MAN1A2: variants seen among roughly 807,000 people sequenced by gnomAD.
MAN1A2 encodes the protein mannosidase alpha class 1A member 2.
MAN1A2 carries 26 observed loss-of-function variants against 75.7 expected under a neutral mutation model. The observed-to-expected ratio is 0.34, with a 90% CI of 0.25 to 0.48. The LOEUF (loss-of-function observed/expected upper bound fraction) is 0.48. Ranked by LOEUF, MAN1A2 falls within the 20% of genes least tolerant of loss-of-function variation. The pLI is 0.99. For missense variants in MAN1A2, 562 were observed against 775.5 expected (o/e 0.72, Z 3.27); for synonymous variants, 247 against 264.6 (o/e 0.93, Z 0.65).
chr1:117,504,224 T>C (rs916870548), intron 12 of MAN1A2, among the ~76,000 whole-genome samples: 2 of 151,286 alleles, frequency 1.3e-5, no homozygotes, highest in South Asian at 2.1e-4. Flanking sequence ...TACATCTAGC[T>C]GAATGAACAT....
At chr1:117,504,629 T>C (rs1015120026) in intron 12 of MAN1A2, among the ~76,000 whole-genome samples, 5 of 151,448 alleles carry the variant, frequency 3.3e-5, no homozygotes, top group African/African-American at 7.3e-5. Flanking sequence ...TCTCCAATTG[T>C]TCCAATAATG....
chr1:117,526,680 G>A lies in MAN1A2; in HGVS notation c.*3723G>A, dbSNP rs1465511485. The A allele has an allele frequency of 1.3e-5, 2 of 151,120 alleles. No individual in the cohort carries two copies. The highest frequency in any genetic ancestry group is 3.0e-5 in the Non-Finnish European group (2 of 67,544). The allele number at this position is 151,120 out of a possible 1,614,324, so 9.4% of individuals were successfully genotyped here. A position where few individuals can be genotyped will look rare whatever the true frequency, so the allele number is the denominator to read the frequency against. On this transcript the variant is annotated 3_prime_UTR_variant, in exon 13 of 13. Transcript: ENST00000356554. ...GGTAAAACTTGCAGTTGTAAATTGT[G>A]TCTGCTCTGGTATGGGCCCTATTAA...
chr1:117,378,292 G>A (rs1653221519), intron 1 of MAN1A2, among the ~76,000 whole-genome samples: 1 of 152,066 alleles, frequency 6.6e-6, no homozygotes, highest in Admixed American at 6.5e-5. Flanking sequence ...CATTGTCAGT[G>A]CATGGTTTTA....
intron 6 of MAN1A2, among the ~76,000 whole-genome samples, chr1:117,446,875 A>T (rs1265163339): frequency 6.6e-6 from 1 of 152,116 alleles, no homozygotes; most frequent in African/African-American, 2.4e-5. Flanking sequence ...GTGTCAAAAT[A>T]TCCCAAGTAT....
chr1:117,519,699 C>T (rs1553242813), intron 12 of MAN1A2, among the ~76,000 whole-genome samples: 2 of 151,334 alleles, frequency 1.3e-5, no homozygotes, highest in Admixed American at 6.6e-5. Flanking sequence ...CAATTACCAA[C>T]AAAAAAAAGC....
At chr1:117,408,999 T>G (rs1271226528) in intron 3 of MAN1A2, among the ~76,000 whole-genome samples, 1 of 152,142 alleles carries the variant, frequency 6.6e-6, no homozygotes, top group East Asian at 1.9e-4. Flanking sequence ...CTTTCATTTC[T>G]AATATTATTG....
intron 4 of MAN1A2, among the ~76,000 whole-genome samples, chr1:117,417,355 CAT>C (rs1372033890): frequency 6.6e-6 from 1 of 151,308 alleles, no homozygotes; most frequent in Non-Finnish European, 1.5e-5. Context: ...ACTATGATAA[CAT>C]ATTTGGAGTT....
At chr1:117,428,640 C>CT (rs1648460315) in intron 5 of MAN1A2, among the ~76,000 whole-genome samples, 3 of 151,750 alleles carry the variant, frequency 2.0e-5, no homozygotes, top group Non-Finnish European at 2.9e-5. Context: ...AAAAGACACA[C>CT]TTAATAGAGA....
chr1:117,386,264 A>T (rs1022708995), intron 1 of MAN1A2, among the ~76,000 whole-genome samples: 1 of 152,226 alleles, frequency 6.6e-6, no homozygotes, highest in African/African-American at 2.4e-5. Flanking sequence ...AGAAATGTAG[A>T]TATAAATAGA....
chr1:117,369,939 C>CATTACATTAT (rs1414068657), intron 1 of MAN1A2, among the ~76,000 whole-genome samples: 3 of 152,092 alleles, frequency 2.0e-5, no homozygotes, highest in Non-Finnish European at 1.5e-5. Flanking sequence ...TTACTTAGCT[C>CATTACATTAT]TATTATTAAT....
At chr1:117,383,144 T>C (rs960933076) in intron 1 of MAN1A2, among the ~76,000 whole-genome samples, 5 of 152,212 alleles carry the variant, frequency 3.3e-5, no homozygotes, top group African/African-American at 1.2e-4. Flanking sequence ...TCTTTCACCA[T>C]TGAGTGTGAT....
chr1:117,472,272 C>T (rs2211130), intron 8 of MAN1A2, among the ~76,000 whole-genome samples: 120,992 of 151,924 alleles, frequency 0.8, 48,798 homozygotes, highest in African/African-American at 0.92. Context: ...ATAAACTATT[C>T]AAATATAGTA....
intron 4 of MAN1A2, among the ~76,000 whole-genome samples, chr1:117,417,133 C>G (rs965852821): frequency 2.0e-5 from 3 of 152,006 alleles, no homozygotes; most frequent in African/African-American, 7.3e-5. Flanking sequence ...GTTCCAACTC[C>G]CATATACCAA....
At chr1:117,382,646 G>C (rs1010648439) in intron 1 of MAN1A2, among the ~76,000 whole-genome samples, 4 of 152,162 alleles carry the variant, frequency 2.6e-5, no homozygotes, top group African/African-American at 9.7e-5. Flanking sequence ...TTTGGCTTAG[G>C]ATTGACTTGG....
intron 6 of MAN1A2, among the ~76,000 whole-genome samples, chr1:117,443,520 T>C (rs1223359951): frequency 6.6e-6 from 1 of 152,126 alleles, no homozygotes; most frequent in Non-Finnish European, 1.5e-5. Context: ...AGATAATAAT[T>C]AAAACTTAAT....
chr1:117,424,278 A>T (rs1021674056), intron 5 of MAN1A2, among the ~76,000 whole-genome samples: 1 of 152,150 alleles, frequency 6.6e-6, no homozygotes, highest in African/African-American at 2.4e-5. Context: ...TGCCTAGGAC[A>T]TCTACTACAA....
At chr1:117,400,753 A>AT (rs1335773797) in intron 1 of MAN1A2, among the ~76,000 whole-genome samples, 7 of 152,090 alleles carry the variant, frequency 4.6e-5, no homozygotes, top group African/African-American at 1.7e-4. Flanking sequence ...TTAACTGTTT[A>AT]TTTTTGGAGG....
At chr1:117,371,001 C>CTATA (rs1410483715) in intron 1 of MAN1A2, among the ~76,000 whole-genome samples, 2 of 152,074 alleles carry the variant, frequency 1.3e-5, no homozygotes, top group South Asian at 4.1e-4. Context: ...TTTTAAAACT[C>CTATA]TATATTGTTT....
rs932567243 is a variant in MAN1A2 at position 117,526,770 on chromosome 1, C to T, written c.*3813C>T. On this transcript the variant is annotated 3_prime_UTR_variant, in exon 13 of 13. Coordinates refer to ENST00000356554, the MANE Select transcript of MAN1A2 (RefSeq NM_006699.5). ...ATATTCAAAGTTCCAAATAACAGTT[C>T]CTAGTAATAGTATTTTGAGTTATTT... 1.1e-4 allele frequency: 16 copies of T among 146,940 alleles called. No individual in the cohort carries two copies. The highest frequency in any genetic ancestry group is 3.5e-4 in the African/African-American group (14 of 39,926). 9.1% of individuals were successfully genotyped at this position (146,940 alleles called of 1,614,324 possible). A position where few individuals can be genotyped will look rare whatever the true frequency, so the allele number is the denominator to read the frequency against.
Sources: gnomAD v4.1 joint callset for allele counts (sites outside exome capture counted in the v4.1 genomes callset) on GRCh38, gnomAD v4.1.1 for gene constraint, MANE v1.5 for transcripts, NCBI Gene and HGNC (gene_info 2026-07-23, HGNC 2026-07-21) for gene names.